The following OTUD7A variants were observed in gnomAD, a reference collection of about 807,000 sequenced individuals.
The protein encoded by OTUD7A is OTU deubiquitinase 7A, also known as OTU domain-containing protein 7A.
OTUD7A carries 12 observed loss-of-function variants against 65.7 expected under a neutral mutation model. That is an observed-to-expected ratio of 0.18 (90% CI 0.12 to 0.30). The LOEUF (loss-of-function observed/expected upper bound fraction) is 0.30. Ranked by LOEUF, OTUD7A falls within the 10% of genes least tolerant of loss-of-function variation. The pLI is 1.00. For missense variants in OTUD7A, 1,148 were observed against 1,304.8 expected (o/e 0.88, Z 1.85); for synonymous variants, 641 against 586.3 (o/e 1.09, Z -1.35).
intron 1 of OTUD7A, among the ~76,000 whole-genome samples, chr15:31,663,832 CT>C (rs1173232418): frequency 1.3e-5 from 2 of 152,040 alleles, no homozygotes; most frequent in East Asian, 3.9e-4. Flanking sequence ...CCCTCCCATC[CT>C]TCCCCCCAAG....
At chr15:31,486,092 C>T (rs1387161499) in intron 12 of OTUD7A, among the ~76,000 whole-genome samples, 2 of 152,210 alleles carry the variant, frequency 1.3e-5, no homozygotes, top group Non-Finnish European at 1.5e-5. Flanking sequence ...CCACAGTTGT[C>T]TGCTGAGAGC....
intron 3 of OTUD7A, among the ~76,000 whole-genome samples, chr15:31,636,293 T>G (rs996590598): frequency 6.6e-6 from 1 of 152,230 alleles, no homozygotes; most frequent in Non-Finnish European, 1.5e-5. Flanking sequence ...ACTTTTCCAT[T>G]AGGATTATAT....
At chr15:31,679,473 A>G (rs1165266705) in intron 1 of OTUD7A, among the ~76,000 whole-genome samples, 1 of 152,208 alleles carries the variant, frequency 6.6e-6, no homozygotes, top group East Asian at 1.9e-4. Flanking sequence ...GGGTGGGACC[A>G]GGTGGAGGTC....
chr15:31,704,715 C>A (rs2654073), intron 1 of OTUD7A, among the ~76,000 whole-genome samples: 7 of 151,662 alleles, frequency 4.6e-5, no homozygotes, highest in Non-Finnish European at 1.0e-4. Context: ...GAAGTCAGAC[C>A]CTATGCTGAC....
chr15:31,510,491 A>G (rs2141094817), intron 8 of OTUD7A, among the ~76,000 whole-genome samples: 1 of 148,552 alleles, frequency 6.7e-6, no homozygotes, highest in South Asian at 2.1e-4. Flanking sequence ...ATGTATGTAT[A>G]TCTATATGTA....
chr15:31,803,810 G>C (rs1896196690), intron 1 of OTUD7A, among the ~76,000 whole-genome samples: 2 of 152,170 alleles, frequency 1.3e-5, no homozygotes, highest in South Asian at 2.1e-4. Flanking sequence ...GTGGGGTAGG[G>C]GACAAGGTGA....
intron 1 of OTUD7A, among the ~76,000 whole-genome samples, chr15:31,805,632 A>T (rs1896249734): frequency 6.6e-6 from 1 of 152,228 alleles, no homozygotes; most frequent in East Asian, 1.9e-4. Flanking sequence ...AGACCCACTG[A>T]CATCACATTC....
At chr15:31,767,260 T>C (rs1895115475) in intron 1 of OTUD7A, 6 of 883,090 alleles carry the variant, frequency 6.8e-6, no homozygotes, top group Admixed American at 3.8e-5. Flanking sequence ...GAAACTGTTA[T>C]GTAGCCACAA....
intron 1 of OTUD7A, among the ~76,000 whole-genome samples, chr15:31,722,624 C>A (rs563132075): frequency 8.5e-5 from 13 of 152,324 alleles, no homozygotes; most frequent in Admixed American, 7.2e-4. Context: ...GGATGGAATG[C>A]AGGCAGGACC....
chr15:31,766,601 T>C, intron 1 of OTUD7A: 1 of 1,610,472 alleles, frequency 6.2e-7, no homozygotes, highest in Non-Finnish European at 8.5e-7. Context: ...CAGCCACTGG[T>C]GTATTGATAA....
At chr15:31,632,867 C>G (rs1473816287) in intron 3 of OTUD7A, among the ~76,000 whole-genome samples, 2 of 152,224 alleles carry the variant, frequency 1.3e-5, no homozygotes, top group Non-Finnish European at 2.9e-5. Context: ...GCAGTTTGAT[C>G]TCAGACTGCT....
At chr15:31,502,665 TG>T (rs1308088575) in intron 9 of OTUD7A, among the ~76,000 whole-genome samples, 1 of 152,180 alleles carries the variant, frequency 6.6e-6, no homozygotes, top group African/African-American at 2.4e-5. Context: ...GTGAGTAGCA[TG>T]GTAGGAAGCG....
chr15:31,856,179 T>C (rs1452380770), intron 1 of OTUD7A, among the ~76,000 whole-genome samples: 1 of 152,250 alleles, frequency 6.6e-6, no homozygotes, highest in East Asian at 1.9e-4. Flanking sequence ...TAAAATAGCA[T>C]GTATTGTAGA....
chr15:31,826,257 A>G (rs977845855), intron 1 of OTUD7A, among the ~76,000 whole-genome samples: 2 of 152,178 alleles, frequency 1.3e-5, no homozygotes, highest in African/African-American at 4.8e-5. Context: ...AGGCATTTCC[A>G]TACATCTTTT....
intron 1 of OTUD7A, among the ~76,000 whole-genome samples, chr15:31,714,014 C>T (rs1031818123): frequency 3.4e-5 from 5 of 145,802 alleles, no homozygotes; most frequent in African/African-American, 1.2e-4. Context: ...CCAGGGCCCT[C>T]CCACGGAGCT....
chr15:31,767,622 A>C, intron 1 of OTUD7A: 1 of 788,436 alleles, frequency 1.3e-6, no homozygotes, highest in Non-Finnish European at 2.3e-6. Context: ...GTTTGCAGGT[A>C]GATCAGAATA....
rs925552293 is a variant in OTUD7A at position 31,481,493 on chromosome 15, G to A, written c.*1801C>T. On this transcript the variant is annotated 3_prime_UTR_variant, in exon 13 of 13. Transcript: ENST00000307050. ...GAAACCCCAGTAATATTAGGGACAT[G>A]GATGTTAGTACAGTAATTACCACAC... 3 of 152,136 alleles carry A rather than the reference G, an allele frequency of 2.0e-5. No individual in the cohort carries two copies. The highest frequency in any genetic ancestry group is 7.2e-5 in the African/African-American group (3 of 41,410). The allele number at this position is 152,136 out of a possible 1,614,324, so 9.4% of individuals were successfully genotyped here.
chr15:31,697,955 T>C (rs1374801360), intron 1 of OTUD7A, among the ~76,000 whole-genome samples: 1 of 152,118 alleles, frequency 6.6e-6, no homozygotes, highest in Non-Finnish European at 1.5e-5. Context: ...AAAAAGTCAT[T>C]CCCTGATAAT....
chr15:31,798,185 G>T (rs1207827555), intron 1 of OTUD7A, among the ~76,000 whole-genome samples: 2 of 152,074 alleles, frequency 1.3e-5, no homozygotes, highest in African/African-American at 4.8e-5. Context: ...GTAACGTTAG[G>T]ACATCAACAC....
Sources: gnomAD v4.1 joint callset for allele counts (sites outside exome capture counted in the v4.1 genomes callset) on GRCh38, gnomAD v4.1.1 for gene constraint, MANE v1.5 for transcripts, NCBI Gene and HGNC (gene_info 2026-07-23, HGNC 2026-07-21) for gene names.